SERGEF: variants seen among roughly 807,000 people sequenced by gnomAD.
The protein encoded by SERGEF is secretion regulating guanine nucleotide exchange factor.
SERGEF carries 51 observed loss-of-function variants against 50.0 expected under a neutral mutation model. The ratio of observed to expected loss-of-function variants is 1.02; its 90% CI spans 0.81 to 1.29. The LOEUF (loss-of-function observed/expected upper bound fraction) is 1.29, where lower values mean the gene tolerates loss of function less well. Ranked by LOEUF, SERGEF falls within the 50% of genes most tolerant of loss-of-function variation. The pLI is 0.00. For synonymous variants in SERGEF, 205 were observed against 212.4 expected (o/e 0.97, Z 0.30); for missense variants, 521 against 557.0 (o/e 0.94, Z 0.65).
chr11:17,906,410 G>A (rs956934550), intron 9 of SERGEF, among the ~76,000 whole-genome samples: 3 of 152,006 alleles, frequency 2.0e-5, no homozygotes, highest in Non-Finnish European at 4.4e-5. Flanking sequence ...CTTGAGCTGC[G>A]AGATATAAAA....
chr11:17,941,993 GT>G (rs1421842661), intron 9 of SERGEF, among the ~76,000 whole-genome samples: 3 of 150,722 alleles, frequency 2.0e-5, no homozygotes, highest in Non-Finnish European at 4.4e-5. Flanking sequence ...GGTTTTTGTT[GT>G]TGCTGAGACC....
chr11:17,851,637 G>A (rs1350497371), intron 10 of SERGEF, among the ~76,000 whole-genome samples: 1 of 152,176 alleles, frequency 6.6e-6, no homozygotes, highest in Non-Finnish European at 1.5e-5. Flanking sequence ...ACATGGATGA[G>A]GGTTATGGAT....
chr11:17,838,350 C>T (rs1175959606), intron 10 of SERGEF, among the ~76,000 whole-genome samples: 2 of 152,162 alleles, frequency 1.3e-5, no homozygotes. Context: ...CTTGAAGTGG[C>T]CTCTGGGCAG....
At chr11:17,978,708 G>A (rs1488316730) in intron 8 of SERGEF, among the ~76,000 whole-genome samples, 2 of 152,202 alleles carry the variant, frequency 1.3e-5, no homozygotes, top group East Asian at 3.8e-4. Context: ...CTCAGGGTGT[G>A]TCCTTATGCA....
At chr11:17,933,338 C>G (rs1276119195) in intron 9 of SERGEF, among the ~76,000 whole-genome samples, 1 of 152,142 alleles carries the variant, frequency 6.6e-6, no homozygotes, top group African/African-American at 2.4e-5. Flanking sequence ...CCTCATTGAT[C>G]TTATTTTAAT....
At chr11:18,012,212 C>T (rs79385581) in intron 1 of SERGEF, among the ~76,000 whole-genome samples, 2,732 of 152,234 alleles carry the variant, frequency 0.018, 75 homozygotes, top group African/African-American at 0.062. Context: ...GAGAGACTGA[C>T]GTTAATAATA....
intron 9 of SERGEF, among the ~76,000 whole-genome samples, chr11:17,917,898 T>C (rs972801926): frequency 6.6e-6 from 1 of 152,244 alleles, no homozygotes; most frequent in Admixed American, 6.5e-5. Context: ...CCACAGGAAC[T>C]TCAGAGATGC....
rs140847495 is a variant in SERGEF at position 17,871,065 on chromosome 11, T to C, written c.1048+7143A>G. Among the ~76,000 whole-genome samples, 64 of 152,160 alleles carry C rather than the reference T, an allele frequency of 4.2e-4. 2 individuals are homozygous for C. In the East Asian group the frequency reaches 9.7e-3, roughly 23 times the overall value. Reference sequence around the variant, plus strand: ...GGCCTAAATATAAAAGGCAAAATAATAAAGCTTCACAAAGAAGACATAAGA... The same window carrying C: ...GGCCTAAATATAAAAGGCAAAATAACAAAGCTTCACAAAGAAGACATAAGA... On this transcript the variant is annotated intron_variant, in intron 10 of 10. Transcript: ENST00000265965.
chr11:18,009,562 T>G (rs3958112), intron 1 of SERGEF, among the ~76,000 whole-genome samples: 73,274 of 152,060 alleles, frequency 0.48, 19,084 homozygotes, highest in Middle Eastern at 0.67. Flanking sequence ...TAAGGATTTC[T>G]TGCCTTAAAG....
At chr11:17,877,882 C>A in intron 10 of SERGEF, 1 of 218,946 alleles carries the variant, frequency 4.6e-6, no homozygotes, top group Non-Finnish European at 8.9e-6. Flanking sequence ...AAACCAGAAG[C>A]AGTCCAATCA....
At position 17,945,849 on chromosome 11, in the gene SERGEF, G is replaced by A. The variant is rs968764390; in HGVS notation, c.1011+13621C>T. Reference sequence around the variant, plus strand: ...AATAATTAGCTGGGCACAGTGGCACGCACCTGTAATCCCAGCTACTCACGA... The same window carrying A: ...AATAATTAGCTGGGCACAGTGGCACACACCTGTAATCCCAGCTACTCACGA... On this transcript the variant is annotated intron_variant, in intron 9 of 10. Coordinates refer to ENST00000265965, the MANE Select transcript of SERGEF (RefSeq NM_012139.4). 3.3e-5 allele frequency among the ~76,000 whole-genome samples: 5 copies of A among 151,972 alleles called. No individual in the cohort carries two copies. In the East Asian group the frequency reaches 5.8e-4, roughly 18 times the overall value.
At chr11:18,012,637 G>GGC (rs1302727763) in intron 1 of SERGEF, 1 of 1,182,632 alleles carries the variant, frequency 8.5e-7, no homozygotes, top group African/African-American at 1.7e-5. Context: ...CTGTCTTCCA[G>GGC]GCGCTATTCG....
At chr11:17,954,798 G>A (rs992180736) in intron 9 of SERGEF, among the ~76,000 whole-genome samples, 3 of 152,228 alleles carry the variant, frequency 2.0e-5, no homozygotes, top group Admixed American at 6.5e-5. Flanking sequence ...GACTGTGGCT[G>A]CAGACTGAGC....
chr11:17,927,536 G>A (rs1852274809), intron 9 of SERGEF, among the ~76,000 whole-genome samples: 1 of 152,166 alleles, frequency 6.6e-6, no homozygotes, highest in African/African-American at 2.4e-5. Flanking sequence ...CTGAGTGTTG[G>A]TCCTGGTCTC....
chr11:17,976,547 G>A lies in SERGEF; in HGVS notation c.844+12050C>T, dbSNP rs1051677177. Among the ~76,000 whole-genome samples, 46 of 139,498 alleles carry A rather than the reference G, an allele frequency of 3.3e-4. 1 individual carries two copies. Among genetic ancestry groups the A allele is most frequent in the Non-Finnish European group, 2.4e-4 (16 of 66,188 alleles). The allele number at this position is 139,498 out of a possible 152,430, so 91.5% of individuals were successfully genotyped here. On this transcript the variant is annotated intron_variant, in intron 8 of 10. Transcript: ENST00000265965. ...AAACTCCTGACCTCGTGATCCACCC[G>A]CCTTGGCCTCCCAAAGTGCTGGGAT...
intron 9 of SERGEF, among the ~76,000 whole-genome samples, chr11:17,937,253 C>T (rs1339674160): frequency 2.0e-5 from 3 of 152,044 alleles, no homozygotes; most frequent in Non-Finnish European, 2.9e-5. Flanking sequence ...TACAATGGGC[C>T]GGGCATGGTG....
At chr11:17,992,841 C>A in intron 7 of SERGEF, 90 bp downstream of exon 7, 1 of 1,132,912 alleles carries the variant, frequency 8.8e-7, no homozygotes, top group Non-Finnish European at 1.3e-6. Context: ...AAGTCTATGA[C>A]ATTCCCTCTG....
intron 9 of SERGEF, among the ~76,000 whole-genome samples, chr11:17,928,864 G>A (rs1002364130): frequency 6.6e-6 from 1 of 152,038 alleles, no homozygotes; most frequent in African/African-American, 2.4e-5. Flanking sequence ...CCTTTTCCAG[G>A]TTTTGTAATG....
At chr11:17,828,719 C>T (rs1850245442) in intron 10 of SERGEF, among the ~76,000 whole-genome samples, 1 of 152,134 alleles carries the variant, frequency 6.6e-6, no homozygotes, top group African/African-American at 2.4e-5. Context: ...AGCCTCATAC[C>T]AGAAGAGAAT....
Sources: gnomAD v4.1 joint callset for allele counts (sites outside exome capture counted in the v4.1 genomes callset) on GRCh38, gnomAD v4.1.1 for gene constraint, MANE v1.5 for transcripts, NCBI Gene and HGNC (gene_info 2026-07-23, HGNC 2026-07-21) for gene names.